The following AFF3 variants were observed in gnomAD, a reference collection of about 807,000 sequenced individuals.
AFF3 encodes AF4/FMR2 family member 3.
In AFF3, 32 loss-of-function variants were observed where a neutral mutation model predicts 129.7. The ratio of observed to expected loss-of-function variants is 0.25; its 90% CI spans 0.19 to 0.33. AFF3 has a LOEUF of 0.33. Among genes scored for constraint, AFF3 ranks in the 10% least tolerant of loss-of-function variants. The pLI is 1.00. For synonymous variants in AFF3, 644 were observed against 635.4 expected (o/e 1.01, Z -0.20); for missense variants, 1,373 against 1,592.0 (o/e 0.86, Z 2.34).
chr2:99,551,185 C>T lies in AFF3; in HGVS notation c.*289G>A. 3 of 516,826 alleles carry T rather than the reference C, an allele frequency of 5.8e-6. No individual in the cohort carries two copies. Among genetic ancestry groups the T allele is most frequent in the Non-Finnish European group, 1.0e-5 (3 of 290,384 alleles). The allele number at this position is 516,826 out of a possible 1,614,324, so 32.0% of individuals were successfully genotyped here. The stretch of plus-strand genomic sequence containing the variant: ...GTGTGTGTGTGTGTGTGTGTGTGTA[C>T]TTCCTCTAGTCAGAAACCTCTGATC... On this transcript the variant is annotated 3_prime_UTR_variant, in exon 25 of 25. Coordinates refer to ENST00000672756, the MANE Select transcript of AFF3 (RefSeq NM_001386135.1).
rs192864584 is a variant in AFF3 at position 99,998,208 on chromosome 2, C to T, written c.873+8424G>A. ...CATCAAAGATGGATGAAAATGAAAT[C>T]GCCAGCAATTAAGAAATCCCAGGGG... On this transcript the variant is annotated intron_variant, in intron 7 of 24. Transcript: ENST00000672756. 1.7e-3 allele frequency among the ~76,000 whole-genome samples: 261 copies of T among 152,220 alleles called. 2 individuals carry two copies. The highest frequency in any genetic ancestry group is 6.8e-3 in the Middle Eastern group (2 of 292).
chr2:99,776,806 C>G (rs745783136), intron 8 of AFF3, among the ~76,000 whole-genome samples: 1 of 152,162 alleles, frequency 6.6e-6, no homozygotes, highest in Non-Finnish European at 1.5e-5. Flanking sequence ...TAGACTCCAG[C>G]CAAAATTTGT....
intron 24 of AFF3, among the ~76,000 whole-genome samples, chr2:99,553,061 T>C (rs1049035886): frequency 2.0e-5 from 3 of 152,084 alleles, no homozygotes; most frequent in Non-Finnish European, 4.4e-5. Flanking sequence ...CTCAGCCCCC[T>C]GAGTAGCTGG....
intron 7 of AFF3, among the ~76,000 whole-genome samples, chr2:99,895,084 C>T (rs968592359): frequency 6.6e-6 from 1 of 152,160 alleles, no homozygotes; most frequent in Non-Finnish European, 1.5e-5. Context: ...GATTACACCA[C>T]GATTTACTGA....
chr2:99,998,681 A>G (rs1259769632), intron 7 of AFF3, among the ~76,000 whole-genome samples: 1 of 152,214 alleles, frequency 6.6e-6, no homozygotes, highest in Non-Finnish European at 1.5e-5. Flanking sequence ...TATGTCTGTC[A>G]GATAACAAAT....
chr2:99,730,244 G>C (rs185717085), intron 10 of AFF3, among the ~76,000 whole-genome samples: 1 of 152,244 alleles, frequency 6.6e-6, no homozygotes, highest in East Asian at 1.9e-4. Context: ...ATATGAAACA[G>C]CTTGCTGACT....
intron 4 of AFF3, among the ~76,000 whole-genome samples, chr2:100,102,461 T>C (rs1690807841): frequency 1.3e-5 from 2 of 152,318 alleles, no homozygotes; most frequent in African/African-American, 4.8e-5. Context: ...GTACATCAAC[T>C]TTTTAAAAAA....
At chr2:99,701,309 A>G (rs1467045015) in intron 11 of AFF3, among the ~76,000 whole-genome samples, 1 of 152,140 alleles carries the variant, frequency 6.6e-6, no homozygotes, top group Non-Finnish European at 1.5e-5. Flanking sequence ...CCAGGAAGCA[A>G]AAAGGAAAGA....
At chr2:99,727,579 T>TTTTA (rs1679463471) in intron 10 of AFF3, among the ~76,000 whole-genome samples, 1 of 120,528 alleles carries the variant, frequency 8.3e-6, no homozygotes, top group Non-Finnish European at 1.8e-5. Context: ...TTTTTTTTTT[T>TTTTA]GAGGCAGAGT....
At chr2:99,834,260 C>G (rs184285093) in intron 8 of AFF3, among the ~76,000 whole-genome samples, 1 of 152,162 alleles carries the variant, frequency 6.6e-6, no homozygotes, top group Non-Finnish European at 1.5e-5. Context: ...CCCAGCTCTA[C>G]CACTTGCTAG....
At chr2:99,847,078 T>A (rs1464890089) in intron 7 of AFF3, among the ~76,000 whole-genome samples, 2 of 152,200 alleles carry the variant, frequency 1.3e-5, no homozygotes, top group Admixed American at 6.5e-5. Flanking sequence ...AAACTGGCAC[T>A]TTTTTTGTTG....
chr2:99,821,507 T>G (rs575412262), intron 8 of AFF3, among the ~76,000 whole-genome samples: 2 of 152,108 alleles, frequency 1.3e-5, no homozygotes, highest in East Asian at 3.9e-4. Flanking sequence ...AATAAAAAGG[T>G]CCGTGCATAA....
intron 11 of AFF3, among the ~76,000 whole-genome samples, chr2:99,683,552 T>A (rs978435940): frequency 6.6e-6 from 1 of 152,050 alleles, no homozygotes; most frequent in Non-Finnish European, 1.5e-5. Context: ...CAGGCTCAAG[T>A]GATCCTCCTG....
chr2:99,947,601 A>AAGAAAGATAGATAGATAGAT (rs765008346), intron 7 of AFF3, among the ~76,000 whole-genome samples: 4 of 136,496 alleles, frequency 2.9e-5, no homozygotes, highest in Admixed American at 1.5e-4. Context: ...GAAAGAAAGA[A>AAGAAAGATAGATAGATAGAT]AGATAGATAG....
At chr2:99,817,969 A>T (rs1687372176) in intron 8 of AFF3, among the ~76,000 whole-genome samples, 1 of 152,222 alleles carries the variant, frequency 6.6e-6, no homozygotes, top group East Asian at 1.9e-4. Context: ...TCTTATGAAG[A>T]CATATGCAGA....
At chr2:99,916,705 G>A (rs557328028) in intron 7 of AFF3, among the ~76,000 whole-genome samples, 95 of 152,140 alleles carry the variant, frequency 6.2e-4, no homozygotes, top group African/African-American at 2.2e-3. Context: ...ACCATCTCCA[G>A]TCACGTCCTG....
intron 4 of AFF3, among the ~76,000 whole-genome samples, chr2:100,072,945 G>A (rs77303669): frequency 0.036 from 5,421 of 152,152 alleles, 321 homozygotes; most frequent in African/African-American, 0.12. Flanking sequence ...ATTAAAATAC[G>A]AAGAAGTTAT....
intron 7 of AFF3, among the ~76,000 whole-genome samples, chr2:99,854,637 TG>T (rs1690392995): frequency 6.6e-6 from 1 of 152,130 alleles, no homozygotes; most frequent in African/African-American, 2.4e-5. Flanking sequence ...TTCTCTAACG[TG>T]GGGTGCTTGG....
intron 7 of AFF3, among the ~76,000 whole-genome samples, chr2:99,878,082 T>C (rs1195114989): frequency 6.6e-6 from 1 of 152,082 alleles, no homozygotes; most frequent in African/African-American, 2.4e-5. Flanking sequence ...AACAGTTAAG[T>C]CCTATGTTGA....
Sources: gnomAD v4.1 joint callset for allele counts (sites outside exome capture counted in the v4.1 genomes callset) on GRCh38, gnomAD v4.1.1 for gene constraint, MANE v1.5 for transcripts, NCBI Gene and HGNC (gene_info 2026-07-23, HGNC 2026-07-21) for gene names.